Variants in FILIP1L observed in about 807,000 individuals in gnomAD.
The protein encoded by FILIP1L is filamin A interacting protein 1 like.
In FILIP1L, 55 loss-of-function variants were observed where a neutral mutation model predicts 96.6. The ratio of observed to expected loss-of-function variants is 0.57; its 90% CI spans 0.46 to 0.71. The LOEUF is 0.71. FILIP1L is among the 30% of genes least tolerant of loss of function. FILIP1L has a pLI of 0.00. For missense variants in FILIP1L, 1,304 were observed against 1,321.2 expected (o/e 0.99, Z 0.20); for synonymous variants, 467 against 473.9 (o/e 0.99, Z 0.19).
intron 1 of FILIP1L, among the ~76,000 whole-genome samples, chr3:100,102,589 T>G (rs541474421): frequency 8.2e-4 from 125 of 152,348 alleles, no homozygotes; most frequent in African/African-American, 2.9e-3. Context: ...GTGTTTTTCC[T>G]ACTTCCATTA....
chr3:99,995,464 G>A (rs554036602), intron 1 of FILIP1L, among the ~76,000 whole-genome samples: 1 of 152,298 alleles, frequency 6.6e-6, no homozygotes, highest in African/African-American at 2.4e-5. Context: ...CCAGGAGCAT[G>A]GTGCAAGCTG....
chr3:100,100,788 C>T (rs1464142460), intron 1 of FILIP1L, among the ~76,000 whole-genome samples: 2 of 152,166 alleles, frequency 1.3e-5, no homozygotes, highest in Non-Finnish European at 2.9e-5. Context: ...AGGTTAGTAT[C>T]GCCTTGCTGC....
chr3:99,882,436 G>T (rs1705759756), intron 4 of FILIP1L, among the ~76,000 whole-genome samples: 1 of 152,160 alleles, frequency 6.6e-6, no homozygotes. Context: ...ATAATGGCTG[G>T]AAATGTATTC....
chr3:100,078,797 C>T (rs1212910770), intron 1 of FILIP1L, among the ~76,000 whole-genome samples: 1 of 151,930 alleles, frequency 6.6e-6, no homozygotes, highest in Non-Finnish European at 1.5e-5. Context: ...AGGCTAAGGC[C>T]GGAAAATCCC....
rs527974853 is a variant in FILIP1L, at chr3:100,022,395, G to A, written c.-10-91365C>T. Reference sequence around the variant, plus strand: ...TTCCACTGTCTCTGCCTTCATGCTTGTTACGGCACAACTCTGCTACAGTAT... The same window carrying A: ...TTCCACTGTCTCTGCCTTCATGCTTATTACGGCACAACTCTGCTACAGTAT... On this transcript the variant is annotated intron_variant, in intron 1 of 5. Transcript: ENST00000477258. Among the ~76,000 whole-genome samples the A allele has an allele frequency of 2.0e-5, 3 of 152,298 alleles. No individual in the cohort carries two copies. In the East Asian group the frequency reaches 5.8e-4, roughly 29 times the overall value.
intron 4 of FILIP1L, among the ~76,000 whole-genome samples, chr3:99,917,967 TTTTTGTTTTG>T (rs1218470674): frequency 6.6e-6 from 1 of 151,938 alleles, no homozygotes; most frequent in Non-Finnish European, 1.5e-5. Context: ...GTTTGTTTGT[TTTTTGTTTTG>T]TTTTGTTTTG....
At chr3:99,969,768 T>C (rs1168839043) in intron 1 of FILIP1L, among the ~76,000 whole-genome samples, 1 of 152,084 alleles carries the variant, frequency 6.6e-6, no homozygotes, top group African/African-American at 2.4e-5. Context: ...ACCATGGAGA[T>C]GAAGAAGGTG....
intron 1 of FILIP1L, among the ~76,000 whole-genome samples, chr3:100,020,504 A>G (rs2064790170): frequency 1.3e-5 from 2 of 152,188 alleles, no homozygotes; most frequent in Non-Finnish European, 2.9e-5. Context: ...TGAAGGCCTC[A>G]GGTAGGGCTT....
chr3:99,952,860 A>G (rs1432572376), intron 1 of FILIP1L, among the ~76,000 whole-genome samples: 2 of 152,158 alleles, frequency 1.3e-5, no homozygotes, highest in Non-Finnish European at 2.9e-5. Flanking sequence ...TATATGTTGG[A>G]TTGTTTTTCT....
At chr3:99,858,487 C>G (rs1446742928) in intron 4 of FILIP1L, among the ~76,000 whole-genome samples, 1 of 152,014 alleles carries the variant, frequency 6.6e-6, no homozygotes, top group African/African-American at 2.4e-5. Flanking sequence ...TAAAAAAAAT[C>G]ATTTGTTAAA....
rs757187030 is a variant in FILIP1L, at chr3:99,848,942, G to T, written c.2734C>A (p.Gln912Lys). 6.2e-7 allele frequency: 1 copy of T among 1,614,144 alleles called. No individual in the cohort carries two copies. Among genetic ancestry groups the T allele is most frequent in the Non-Finnish European group, 8.5e-7 (1 of 1,180,016 alleles). The change falls in exon 5 of 6, where the codon CAA (glutamine) becomes AAA (lysine). Residue 912 changes from glutamine (Q) to lysine (K), a missense_variant. By Grantham distance (53) the Gln-to-Lys change is moderately conservative (BLOSUM62 1). Transcript: ENST00000477258. ...GTGATTTCAAGAGTGGCTGTGTTTT[G>T]TACATGGTCTGGAGTAACCTTTATA... is the stretch of plus-strand genomic sequence containing the variant. ...LHIKVTPDHVQNTATLEITSP... is the reference protein window; with the variant it reads ...LHIKVTPDHVKNTATLEITSP...
At chr3:100,050,196 T>A (rs2065346306) in intron 1 of FILIP1L, among the ~76,000 whole-genome samples, 1 of 152,164 alleles carries the variant, frequency 6.6e-6, no homozygotes, top group African/African-American at 2.4e-5. Flanking sequence ...GTTTCATAGA[T>A]CAATAAATAA....
chr3:100,068,370 GTGT>G, intron 1 of FILIP1L, among the ~76,000 whole-genome samples: 1 of 152,100 alleles, frequency 6.6e-6, no homozygotes, highest in East Asian at 1.9e-4. Flanking sequence ...GTGTGTGTGT[GTGT>G]GTGTGTGTGT....
chr3:99,850,136 TTTTC>T lies in FILIP1L; in HGVS notation c.1536_1539del (p.Lys513LeufsTer19). The T allele has an allele frequency of 6.2e-7, 1 of 1,611,726 alleles. No individual in the cohort carries two copies. The highest frequency in any genetic ancestry group is 2.2e-5 in the East Asian group (1 of 44,844). On this transcript the variant is annotated frameshift_variant, in exon 5 of 6. Transcript: ENST00000477258. LOFTEE classifies it high-confidence loss of function. ...GAAGCAGCTTGTAATTTATCTTCAG[TTTTC>T]TTTAATTTTTCACTCATTGTTTTCC...
chr3:99,851,671 G>A (rs559458435), intron 4 of FILIP1L, among the ~76,000 whole-genome samples: 1 of 152,284 alleles, frequency 6.6e-6, no homozygotes, highest in South Asian at 2.1e-4. Context: ...TGGCTTGCTT[G>A]AACCAAAGTG....
At chr3:99,972,604 C>A (rs1235560289) in intron 1 of FILIP1L, among the ~76,000 whole-genome samples, 1 of 152,184 alleles carries the variant, frequency 6.6e-6, no homozygotes, top group Admixed American at 6.5e-5. Context: ...TTCATGTTTC[C>A]ATGGGCTGTC....
chr3:100,016,268 C>G (rs775269367), intron 1 of FILIP1L, among the ~76,000 whole-genome samples: 4 of 152,212 alleles, frequency 2.6e-5, no homozygotes, highest in Non-Finnish European at 4.4e-5. Flanking sequence ...TCTCGGCTCA[C>G]TGCAACCTCC....
intron 1 of FILIP1L, among the ~76,000 whole-genome samples, chr3:99,974,238 A>G (rs1708903254): frequency 6.6e-6 from 1 of 152,216 alleles, no homozygotes; most frequent in South Asian, 2.1e-4. Context: ...TCTTAGCTGA[A>G]TAGGGTGCCA....
intron 4 of FILIP1L, among the ~76,000 whole-genome samples, chr3:99,917,238 C>T (rs1408293325): frequency 6.6e-6 from 1 of 152,114 alleles, no homozygotes; most frequent in African/African-American, 2.4e-5. Context: ...CCTGATCTTC[C>T]ACAGTGTTGC....
Sources: allele counts gnomAD v4.1 joint callset (sites outside exome capture counted in the v4.1 genomes callset), GRCh38; gene constraint gnomAD v4.1.1; transcripts MANE v1.5; gene names NCBI Gene and HGNC (gene_info 2026-07-23, HGNC 2026-07-21).